Variants in LRP6 observed in about 807,000 individuals in gnomAD.
LRP6 encodes the protein low-density lipoprotein receptor-related protein 6.
Under a neutral mutation model 184.1 loss-of-function variants are expected in LRP6, and 43 were observed. The observed-to-expected ratio is 0.23, with a 90% CI of 0.18 to 0.30. LRP6 has a LOEUF of 0.30. Ranked by LOEUF, LRP6 falls within the 10% of genes least tolerant of loss-of-function variation. LRP6 has a pLI of 1.00. For missense variants in LRP6, 1,571 were observed against 2,005.3 expected, an observed-to-expected ratio of 0.78 and a Z score of 4.14; for synonymous variants, 719 against 684.9, an observed-to-expected ratio of 1.05 and a Z score of -0.78.
chr12:12,210,889 C>T (rs1023081048), intron 2 of LRP6: 2 of 152,178 alleles, frequency 1.3e-5, no homozygotes, highest in Admixed American at 6.5e-5. Context: ...TCCTCTCTTA[C>T]TCCGGTTAGT....
intron 2 of LRP6, among the ~76,000 whole-genome samples, chr12:12,214,455 TA>T (rs1213382486): frequency 6.6e-6 from 1 of 152,210 alleles, no homozygotes; most frequent in Non-Finnish European, 1.5e-5. Flanking sequence ...AGATATCTCA[TA>T]AATCAACTAT....
chr12:12,251,427 G>T (rs1408194372), intron 1 of LRP6, among the ~76,000 whole-genome samples: 1 of 151,582 alleles, frequency 6.6e-6, no homozygotes. Context: ...GCAGTGGTGG[G>T]ATCTCAGCTC....
chr12:12,218,259 G>T (rs1302071620), intron 2 of LRP6, among the ~76,000 whole-genome samples: 1 of 152,106 alleles, frequency 6.6e-6, no homozygotes, highest in Non-Finnish European at 1.5e-5. Context: ...GACCACTTGA[G>T]TCCAGGAGTT....
intron 2 of LRP6, among the ~76,000 whole-genome samples, chr12:12,211,308 G>C (rs1031316635): frequency 6.6e-6 from 1 of 152,134 alleles, no homozygotes; most frequent in African/African-American, 2.4e-5. Flanking sequence ...TAGGCGTGGT[G>C]GTGGGCACCT....
chr12:12,266,932 G>A lies in LRP6; in HGVS notation c.-197C>T, dbSNP rs1468263757. 3.4e-6 allele frequency: 2 copies of A among 588,370 alleles called. No individual in the cohort carries two copies. The highest frequency in any genetic ancestry group is 3.2e-5 in the Admixed American group (1 of 31,042). The allele number at this position is 588,370 out of a possible 1,614,324, so 36.4% of individuals were successfully genotyped here. On this transcript the variant is annotated 5_prime_UTR_variant, in exon 1 of 23. Coordinates refer to ENST00000261349, the MANE Select transcript of LRP6 (RefSeq NM_002336.3). ...CTCTCTACCGCGCCGCTCGGCCCCG[G>A]GCTCGCGCGACGCCAGCGTCTGCTT...
intron 8 of LRP6, among the ~76,000 whole-genome samples, 174 bp from the exon 9 acceptor site, chr12:12,164,736 G>C (rs1279499517): frequency 6.6e-6 from 1 of 151,680 alleles, no homozygotes; most frequent in African/African-American, 2.4e-5. Context: ...AGATTAATAG[G>C]GAGTAAAAGC....
intron 5 of LRP6, among the ~76,000 whole-genome samples, chr12:12,183,426 G>A (rs934193554): frequency 6.6e-6 from 1 of 152,026 alleles, no homozygotes; most frequent in Admixed American, 6.6e-5. Flanking sequence ...CTCTCTATAG[G>A]GAATTAAGAG....
intron 3 of LRP6, among the ~76,000 whole-genome samples, chr12:12,193,944 A>G (rs1204569912): frequency 6.6e-6 from 1 of 152,122 alleles, no homozygotes; most frequent in African/African-American, 2.4e-5. Context: ...AAAATCCTCA[A>G]CAGAATATTA....
intron 19 of LRP6, among the ~76,000 whole-genome samples, chr12:12,130,339 C>T (rs1419160973): frequency 2.0e-5 from 3 of 152,224 alleles, no homozygotes; most frequent in African/African-American, 7.2e-5. Flanking sequence ...GCATGCACCA[C>T]CACGCCTGGC....
At chr12:12,212,651 C>T (rs1320779363) in intron 2 of LRP6, among the ~76,000 whole-genome samples, 1 of 152,126 alleles carries the variant, frequency 6.6e-6, no homozygotes, top group African/African-American at 2.4e-5. Context: ...TATTTTGCAA[C>T]TAGTTTGTCT....
chr12:12,208,636 T>C (rs981537481), intron 2 of LRP6, among the ~76,000 whole-genome samples: 5 of 152,186 alleles, frequency 3.3e-5, no homozygotes, highest in African/African-American at 1.2e-4. Context: ...GACTGGCACA[T>C]TGCACGTATT....
At chr12:12,200,905 G>T (rs1297320017) in intron 3 of LRP6, among the ~76,000 whole-genome samples, 1 of 152,072 alleles carries the variant, frequency 6.6e-6, no homozygotes, top group African/African-American at 2.4e-5. Flanking sequence ...CTGTTCTGTG[G>T]TCATGTTTTT....
In LRP6 at chr12:12,170,693, G is replaced by A. The variant is rs115808711; in HGVS notation, c.1546-5398C>T. ...GTCACCTTCAGGCTTACCTCAGATC[G>A]ATCAGGCTCACTAAAGCTTCAAACA... On this transcript the variant is annotated intron_variant, in intron 7 of 22. Transcript: ENST00000261349. Among the ~76,000 whole-genome samples, 353 of 151,524 alleles carry A rather than the reference G, an allele frequency of 2.3e-3. 1 individual carries two copies. The highest frequency in any genetic ancestry group is 8.4e-3 in the African/African-American group (345 of 41,268).
rs758905629 is a variant in LRP6 at position 12,117,782 on chromosome 12, G to A, written c.*3344C>T. On this transcript the variant is annotated 3_prime_UTR_variant, in exon 23 of 23. Coordinates refer to ENST00000261349, the MANE Select transcript of LRP6 (RefSeq NM_002336.3). Reference sequence around the variant, plus strand: ...AAGAAAAAGATGATCCTCCAAAACTGCTACCTAATACAGATGATGGCTATT... The same window carrying A: ...AAGAAAAAGATGATCCTCCAAAACTACTACCTAATACAGATGATGGCTATT... The A allele has an allele frequency of 4.6e-5, 7 of 152,152 alleles. No homozygotes were observed. The highest frequency in any genetic ancestry group is 1.0e-4 in the Non-Finnish European group (7 of 68,014). 9.4% of individuals were successfully genotyped at this position (152,152 alleles called of 1,614,324 possible). A position where few individuals can be genotyped will look rare whatever the true frequency, so the allele number is the denominator to read the frequency against.
intron 15 of LRP6, among the ~76,000 whole-genome samples, chr12:12,145,785 C>T (rs78226547): frequency 0.052 from 7,851 of 151,820 alleles, 282 homozygotes; most frequent in Middle Eastern, 0.17. Context: ...GTGCCCACCA[C>T]CATGCTTGGC....
chr12:12,251,094 C>A (rs1281646705), intron 1 of LRP6, among the ~76,000 whole-genome samples: 1 of 151,838 alleles, frequency 6.6e-6, no homozygotes, highest in African/African-American at 2.4e-5. Flanking sequence ...CCACACCCAG[C>A]TAATTTTTTT....
chr12:12,265,988 C>CAACTGTAGGGA (rs1865746590), intron 1 of LRP6, among the ~76,000 whole-genome samples: 1 of 152,122 alleles, frequency 6.6e-6, no homozygotes, highest in Non-Finnish European at 1.5e-5. Context: ...TACTTAGTGC[C>CAACTGTAGGGA]AACTGTACAC....
intron 3 of LRP6, among the ~76,000 whole-genome samples, chr12:12,196,397 A>C (rs1276096343): frequency 6.6e-6 from 1 of 152,018 alleles, no homozygotes; most frequent in Non-Finnish European, 1.5e-5. Flanking sequence ...GCTTTATCTG[A>C]AGAGGTCTTT....
chr12:12,128,829 A>T (rs568896570), intron 19 of LRP6, among the ~76,000 whole-genome samples: 1 of 152,304 alleles, frequency 6.6e-6, no homozygotes, highest in East Asian at 1.9e-4. Context: ...CCTGTGGGTC[A>T]ACTTAAACTT....
Sources: gnomAD v4.1 joint callset for allele counts (sites outside exome capture counted in the v4.1 genomes callset) on GRCh38, gnomAD v4.1.1 for gene constraint, MANE v1.5 for transcripts, NCBI Gene and HGNC (gene_info 2026-07-23, HGNC 2026-07-21) for gene names.